ESRRG: variants seen among roughly 807,000 people sequenced by gnomAD.
ESRRG encodes estrogen-related receptor gamma.
Under a neutral mutation model 44.0 loss-of-function variants are expected in ESRRG, and 13 were observed. That is an observed-to-expected ratio of 0.30 (90% confidence interval 0.19 to 0.47). The LOEUF (loss-of-function observed/expected upper bound fraction) is 0.47. ESRRG is among the 20% of genes least tolerant of loss of function. ESRRG has a pLI of 1.00. For missense variants in ESRRG, 395 were observed against 580.6 expected, an observed-to-expected ratio of 0.68 and a Z score of 3.29; for synonymous variants, 215 against 214.6, an observed-to-expected ratio of 1.00 and a Z score of -0.02.
At chr1:216,779,308 T>A (rs1196204638) in intron 2 of ESRRG, among the ~76,000 whole-genome samples, 3 of 44,998 alleles carry the variant, frequency 6.7e-5, no homozygotes, top group African/African-American at 1.7e-4. Context: ...TTATAAACAT[T>A]ATATTTATAA....
chr1:216,665,536 G>A (rs2073696611), intron 2 of ESRRG, among the ~76,000 whole-genome samples: 1 of 152,124 alleles, frequency 6.6e-6, no homozygotes, highest in African/African-American at 2.4e-5. Context: ...AGCAGGGACT[G>A]GGGGTAGGGA....
chr1:217,039,075 C>T (rs549823251), intron 1 of ESRRG, among the ~76,000 whole-genome samples: 17 of 152,324 alleles, frequency 1.1e-4, no homozygotes, highest in African/African-American at 3.4e-4. Context: ...TGCTCCAGTT[C>T]GCATTGAGTT....
At chr1:216,965,253 G>C (rs1201533244) in intron 1 of ESRRG, among the ~76,000 whole-genome samples, 2 of 151,522 alleles carry the variant, frequency 1.3e-5, no homozygotes. Context: ...ATCCCAACCT[G>C]AATGGCAAGA....
intron 3 of ESRRG, among the ~76,000 whole-genome samples, chr1:216,578,392 TA>T (rs1156416069): frequency 1.3e-5 from 2 of 151,964 alleles, no homozygotes; most frequent in Non-Finnish European, 2.9e-5. Context: ...TCAAACCCCA[TA>T]AAAAATAACT....
chr1:216,673,125 G>A (rs903614349), intron 2 of ESRRG, among the ~76,000 whole-genome samples: 1 of 152,052 alleles, frequency 6.6e-6, no homozygotes, highest in Non-Finnish European at 1.5e-5. Context: ...ATCTGTTAAG[G>A]GTGGTTTGGC....
At chr1:216,587,028 C>G (rs2056783660) in intron 3 of ESRRG, among the ~76,000 whole-genome samples, 1 of 152,054 alleles carries the variant, frequency 6.6e-6, no homozygotes, top group Admixed American at 6.5e-5. Flanking sequence ...ACTGATACTT[C>G]AATACAAATT....
intron 1 of ESRRG, among the ~76,000 whole-genome samples, chr1:217,020,270 A>C (rs996039187): frequency 1.3e-5 from 2 of 152,210 alleles, no homozygotes; most frequent in African/African-American, 4.8e-5. Context: ...GGAAAGCCCC[A>C]GTAAAATATG....
At chr1:216,627,797 C>T (rs1309437613) in intron 3 of ESRRG, among the ~76,000 whole-genome samples, 3 of 137,098 alleles carry the variant, frequency 2.2e-5, no homozygotes, top group African/African-American at 8.3e-5. Context: ...GAAATATGCT[C>T]CAGGGACCAT....
intron 2 of ESRRG, among the ~76,000 whole-genome samples, chr1:216,771,816 G>GTT (rs72464828): frequency 0.17 from 22,088 of 127,974 alleles, 2,169 homozygotes; most frequent in Admixed American, 0.23. Flanking sequence ...AGTTTGTGGT[G>GTT]TTTTTTTTTT....
chr1:216,792,771 G>A (rs2094358076), intron 2 of ESRRG, among the ~76,000 whole-genome samples: 1 of 152,088 alleles, frequency 6.6e-6, no homozygotes, highest in African/African-American at 2.4e-5. Context: ...TGCATGAAAT[G>A]TAGTGGCACA....
At chr1:217,091,270 G>A (rs115937025), upstream of ESRRG, among the ~76,000 whole-genome samples, 57 of 152,298 alleles carry the variant, frequency 3.7e-4, no homozygotes, top group African/African-American at 1.3e-3. Context: ...CCTAAAAGAT[G>A]ACAGCAGAGG....
At chr1:216,562,913 C>T (rs1173553664) in intron 5 of ESRRG, among the ~76,000 whole-genome samples, 2 of 152,140 alleles carry the variant, frequency 1.3e-5, no homozygotes, top group Non-Finnish European at 2.9e-5. Context: ...CTGCATTAAT[C>T]AACAATTGTC....
chr1:217,120,596 C>A (rs1224897268), intron 1 of ESRRG, among the ~76,000 whole-genome samples: 1 of 152,150 alleles, frequency 6.6e-6, no homozygotes, highest in Non-Finnish European at 1.5e-5. Context: ...ACCTCTCCTG[C>A]CTTATCCTGT....
intron 2 of ESRRG, among the ~76,000 whole-genome samples, chr1:216,819,690 G>T (rs1314334058): frequency 2.6e-5 from 4 of 151,904 alleles, no homozygotes; most frequent in African/African-American, 4.8e-5. Context: ...TTTTATTTTG[G>T]CTATGTTCAG....
At chr1:216,565,868 T>C (rs757780969) in intron 4 of ESRRG, among the ~76,000 whole-genome samples, 5 of 152,182 alleles carry the variant, frequency 3.3e-5, no homozygotes, top group Non-Finnish European at 7.4e-5. Flanking sequence ...GTTTCAACTT[T>C]CATTGCTCTG....
intron 3 of ESRRG, 106 bp from the exon 4 acceptor site, chr1:216,568,204 A>C: frequency 1.3e-6 from 1 of 796,398 alleles, no homozygotes; most frequent in Non-Finnish European, 2.2e-6. Context: ...CAAACAGTAG[A>C]ATGCAGAATG....
At chr1:216,733,200 A>T (rs971174207) in intron 2 of ESRRG, among the ~76,000 whole-genome samples, 3 of 151,872 alleles carry the variant, frequency 2.0e-5, no homozygotes, top group Non-Finnish European at 4.4e-5. Flanking sequence ...TTTCTTCAGA[A>T]TTATTCTGTT....
intron 2 of ESRRG, among the ~76,000 whole-genome samples, chr1:216,763,499 A>G (rs931206228): frequency 1.1e-4 from 17 of 152,124 alleles, no homozygotes; most frequent in African/African-American, 3.4e-4. Flanking sequence ...GGAAAAAAAG[A>G]GGGAGGAGAA....
chr1:216,575,364 C>T (rs1488745343), intron 3 of ESRRG, among the ~76,000 whole-genome samples: 2 of 152,060 alleles, frequency 1.3e-5, no homozygotes, highest in Non-Finnish European at 2.9e-5. Context: ...TAGCCTCTTT[C>T]TTCCTATTTC....
Sources: gnomAD v4.1 joint callset for allele counts (sites outside exome capture counted in the v4.1 genomes callset) on GRCh38, gnomAD v4.1.1 for gene constraint, MANE v1.5 for transcripts, NCBI Gene and HGNC (gene_info 2026-07-23, HGNC 2026-07-21) for gene names.